The following PRKCQ variants were observed in gnomAD, a reference collection of about 807,000 sequenced individuals.
The protein encoded by PRKCQ is protein kinase C theta type.
PRKCQ carries 41 observed loss-of-function variants against 91.2 expected under a neutral mutation model. That is an observed-to-expected ratio of 0.45 (90% confidence interval 0.35 to 0.58). The LOEUF (loss-of-function observed/expected upper bound fraction) is 0.58, where lower values mean the gene tolerates loss of function less well. Among genes scored for constraint, PRKCQ ranks in the 20% least tolerant of loss-of-function variants. The pLI is 0.00. For missense variants in PRKCQ, 673 were observed against 896.5 expected (o/e 0.75, Z 3.18); for synonymous variants, 307 against 316.9 (o/e 0.97, Z 0.33).
intron 4 of PRKCQ, among the ~76,000 whole-genome samples, chr10:6,506,675 A>G (rs1838217884): frequency 6.6e-6 from 1 of 152,228 alleles, no homozygotes; most frequent in Non-Finnish European, 1.5e-5. Context: ...CGGAGGAATT[A>G]TATATGGTAA....
intron 15 of PRKCQ, among the ~76,000 whole-genome samples, chr10:6,446,357 GTTTTTTTTTT>G (rs66839272): frequency 3.0e-4 from 24 of 79,602 alleles, no homozygotes; most frequent in Admixed American, 2.7e-3. Flanking sequence ...ACTATGCTCA[GTTTTTTTTTT>G]TTTTTTTTTT....
chr10:6,492,138 T>C (rs557821380), intron 7 of PRKCQ, among the ~76,000 whole-genome samples: 1 of 152,144 alleles, frequency 6.6e-6, no homozygotes, highest in Admixed American at 6.5e-5. Flanking sequence ...AAGGAAACAG[T>C]GCTCCCATTT....
At chr10:6,556,257 C>T (rs1840409332) in intron 1 of PRKCQ, among the ~76,000 whole-genome samples, 2 of 151,914 alleles carry the variant, frequency 1.3e-5, no homozygotes, top group Non-Finnish European at 2.9e-5. Flanking sequence ...TAGCAAAACT[C>T]ACATCTCTAC....
chr10:6,473,516 G>A (rs920278509), intron 12 of PRKCQ, among the ~76,000 whole-genome samples: 4 of 152,206 alleles, frequency 2.6e-5, no homozygotes, highest in South Asian at 2.1e-4. Flanking sequence ...ACGTGTAAGC[G>A]TTCTCAGGAT....
At chr10:6,398,213 G>A in the PRKCQ span, among the ~76,000 whole-genome samples, 1 of 152,164 alleles carries the variant, frequency 6.6e-6, no homozygotes, top group Non-Finnish European at 1.5e-5. Context: ...ATTTATGTAT[G>A]AACTCTGTAT....
At chr10:6,523,213 G>A (rs1323122499) in intron 1 of PRKCQ, among the ~76,000 whole-genome samples, 1 of 152,182 alleles carries the variant, frequency 6.6e-6, no homozygotes, top group Non-Finnish European at 1.5e-5. Context: ...ACTTTGGGAG[G>A]TTGAGGTGGG....
At chr10:6,563,833 G>A (rs187162020) in intron 1 of PRKCQ, among the ~76,000 whole-genome samples, 7 of 152,292 alleles carry the variant, frequency 4.6e-5, no homozygotes, top group Admixed American at 2.0e-4. Flanking sequence ...CTGCCCTTGG[G>A]AGCTCACAGT....
At chr10:6,547,464 A>G (rs1201594954) in intron 1 of PRKCQ, among the ~76,000 whole-genome samples, 1 of 152,014 alleles carries the variant, frequency 6.6e-6, no homozygotes, top group Admixed American at 6.6e-5. Context: ...GAGGCATCAC[A>G]CTACCTGACT....
chr10:6,486,088 T>C lies in PRKCQ; in HGVS notation c.847A>G (p.Ile283Val), dbSNP rs1263659786. 5.6e-6 allele frequency: 9 copies of C among 1,614,086 alleles called. No homozygotes were observed. The highest frequency in any genetic ancestry group is 6.8e-6 in the Non-Finnish European group (8 of 1,180,050). The stretch of plus-strand genomic sequence containing the variant: ...GCTTCAGCCATTAGCTTCTGGTTTA[T>C]GCCACAAAGGTTGGCCACCTTTGTC... ...CQTKVANLCG[I>V]NQKLMAEALA... is the part of the protein sequence containing the mutation. The change falls in exon 9 of 18, where the codon ATA becomes GTA. Residue 283 changes from isoleucine (I) to valine (V), a missense_variant. By Grantham distance (29) the Ile-to-Val change is conservative. Transcript: ENST00000263125.
chr10:6,579,643 A>G (rs1228678110), intron 1 of PRKCQ, among the ~76,000 whole-genome samples: 1 of 67,566 alleles, frequency 1.5e-5, no homozygotes, highest in African/African-American at 6.8e-5. Flanking sequence ...GAGCACGCAG[A>G]TTTTTCTTTT....
chr10:6,559,944 C>G (rs566680130), intron 1 of PRKCQ, among the ~76,000 whole-genome samples: 2 of 152,308 alleles, frequency 1.3e-5, no homozygotes, highest in East Asian at 3.9e-4. Flanking sequence ...AGGTGCCTGA[C>G]TTTACCTTAT....
At chr10:6,403,901 C>T in the PRKCQ span, among the ~76,000 whole-genome samples, 2 of 152,070 alleles carry the variant, frequency 1.3e-5, no homozygotes, top group Non-Finnish European at 2.9e-5. Flanking sequence ...CACACACACT[C>T]ATTTATTTCC....
intron 1 of PRKCQ, among the ~76,000 whole-genome samples, chr10:6,525,626 T>C (rs1475710939): frequency 1.3e-5 from 2 of 152,188 alleles, no homozygotes; most frequent in African/African-American, 2.4e-5. Context: ...TCATCGAAGA[T>C]GTCAAAAGGA....
chr10:6,453,047 G>A (rs1287968420), intron 15 of PRKCQ, among the ~76,000 whole-genome samples: 6 of 151,796 alleles, frequency 4.0e-5, no homozygotes, highest in Non-Finnish European at 7.4e-5. Context: ...CAAAAGCAAT[G>A]GCAACAAAAG....
intron 7 of PRKCQ, among the ~76,000 whole-genome samples, chr10:6,494,798 T>C (rs1222566554): frequency 1.3e-5 from 2 of 152,214 alleles, no homozygotes; most frequent in Admixed American, 1.3e-4. Context: ...TATATGATGG[T>C]CACTGTCAAA....
At chr10:6,566,357 A>G (rs1456067217) in intron 1 of PRKCQ, among the ~76,000 whole-genome samples, 1 of 152,146 alleles carries the variant, frequency 6.6e-6, no homozygotes, top group African/African-American at 2.4e-5. Flanking sequence ...GGAGCTTGAA[A>G]TGTATCCACT....
intron 8 of PRKCQ, among the ~76,000 whole-genome samples, chr10:6,491,106 C>T (rs530538231): frequency 1.9e-4 from 29 of 152,290 alleles, no homozygotes; most frequent in Admixed American, 6.5e-4. Flanking sequence ...CAGGCAATGA[C>T]GGTCACAACC....
chr10:6,441,241 GC>G (rs1213331029), intron 16 of PRKCQ, among the ~76,000 whole-genome samples: 2 of 151,944 alleles, frequency 1.3e-5, no homozygotes, highest in African/African-American at 4.8e-5. Flanking sequence ...TAACATAAAT[GC>G]CCATTTTCTC....
rs190042544 is a variant in PRKCQ, at chr10:6,435,359, G to A, written c.1837-4421C>T. ...CATTTTGTCAAATTCCCTAGAAGAC[G>A]TTTCTGAGAAAGGGCATTACCTTTT... is the stretch of plus-strand genomic sequence containing the variant. On this transcript the variant is annotated intron_variant, in intron 16 of 17. Coordinates refer to ENST00000263125, the MANE Select transcript of PRKCQ (RefSeq NM_006257.5). 3.3e-5 allele frequency among the ~76,000 whole-genome samples: 5 copies of A among 152,314 alleles called. No individual in the cohort carries two copies. The East Asian group carries it at 5.8e-4, about 18-fold the overall frequency.
Sources: allele counts gnomAD v4.1 joint callset (sites outside exome capture counted in the v4.1 genomes callset), GRCh38; gene constraint gnomAD v4.1.1; transcripts MANE v1.5; gene names NCBI Gene and HGNC (gene_info 2026-07-23, HGNC 2026-07-21).